Variants in CAST observed in about 807,000 individuals in gnomAD.
The protein encoded by CAST is calpastatin, also known as MIR583 host.
In CAST, 76 loss-of-function variants were observed where a neutral mutation model predicts 119.6. That is an observed-to-expected ratio of 0.64 (90% CI 0.53 to 0.77). The LOEUF is 0.77. Ranked by LOEUF, CAST falls within the 30% of genes least tolerant of loss-of-function variation. CAST has a pLI of 0.00. For synonymous variants in CAST, 319 were observed against 331.6 expected (o/e 0.96, Z 0.41); for missense variants, 953 against 946.5 (o/e 1.01, Z -0.09).
At chr5:96,043,370 A>T in the CAST span, among the ~76,000 whole-genome samples, 1 of 152,228 alleles carries the variant, frequency 6.6e-6, no homozygotes, top group East Asian at 1.9e-4. Flanking sequence ...GAGGGACTGA[A>T]AAATGGTCTG....
upstream of CAST, among the ~76,000 whole-genome samples, chr5:96,659,654 G>C (rs1413254878): frequency 2.6e-5 from 4 of 152,098 alleles, no homozygotes; most frequent in African/African-American, 9.7e-5. Context: ...TCGGCCTCCT[G>C]AGTAGCTGGG....
chr5:96,313,512 G>T, the CAST span, among the ~76,000 whole-genome samples: 1 of 152,090 alleles, frequency 6.6e-6, no homozygotes, highest in Admixed American at 6.6e-5. Flanking sequence ...TGTATCAGTA[G>T]TTCTTTTTAT....
chr5:96,348,577 A>C, the CAST span, among the ~76,000 whole-genome samples: 2 of 152,134 alleles, frequency 1.3e-5, no homozygotes, highest in African/African-American at 4.8e-5. Context: ...AGTTGAGGCT[A>C]TATAGTTCCA....
Position 96,740,725 on chromosome 5 carries a change from C to G in CAST, c.880-20C>G. The G allele has an allele frequency of 6.3e-7, 1 of 1,584,202 alleles. No homozygotes were observed. Among genetic ancestry groups the G allele is most frequent in the Non-Finnish European group, 8.7e-7 (1 of 1,152,860 alleles). ...ATTAATTCTACCTTCTCAACATCAT[C>G]AAATTAATATTTGTTTCAGAAAAAG... On this transcript the variant is annotated intron_variant, in intron 12 of 31. Coordinates refer to ENST00000675179, the MANE Select transcript of CAST (RefSeq NM_001750.7).
At chr5:96,670,860 G>A (rs1231962540) in intron 1 of CAST, among the ~76,000 whole-genome samples, 2 of 152,212 alleles carry the variant, frequency 1.3e-5, no homozygotes, top group East Asian at 1.9e-4. Flanking sequence ...GTATCTGTGT[G>A]TATCTGGGTA....
the CAST span, among the ~76,000 whole-genome samples, chr5:96,469,098 G>C: frequency 1.3e-5 from 2 of 152,016 alleles, no homozygotes; most frequent in Admixed American, 1.3e-4. Flanking sequence ...GAAATAGACA[G>C]CAGGTGACAG....
chr5:96,618,911 G>A (rs906207732), intron 1 of CAST, among the ~76,000 whole-genome samples: 13 of 152,250 alleles, frequency 8.5e-5, no homozygotes, highest in Admixed American at 2.6e-4. Context: ...ACTAGGTGAA[G>A]CCAGCTGGGC....
At chr5:96,659,010 A>C (rs1449375666), upstream of CAST, among the ~76,000 whole-genome samples, 2 of 152,212 alleles carry the variant, frequency 1.3e-5, no homozygotes, top group Non-Finnish European at 2.9e-5. Flanking sequence ...TTTCAAGTAT[A>C]TATTTATATG....
chr5:96,617,665 G>A (rs1358217795), intron 1 of CAST, among the ~76,000 whole-genome samples: 1 of 151,538 alleles, frequency 6.6e-6, no homozygotes, highest in Non-Finnish European at 1.5e-5. Context: ...GGTGGTGGGT[G>A]CCAGTAGTCC....
the CAST span, among the ~76,000 whole-genome samples, chr5:96,318,070 G>A: frequency 6.6e-6 from 1 of 152,192 alleles, no homozygotes; most frequent in Non-Finnish European, 1.5e-5. Flanking sequence ...AGCCTGAGCA[G>A]TAAAATATCT....
intron 4 of CAST, among the ~76,000 whole-genome samples, chr5:96,726,559 T>C (rs1348132754): frequency 6.6e-6 from 1 of 152,184 alleles, no homozygotes; most frequent in African/African-American, 2.4e-5. Context: ...ATTTTATTAA[T>C]GGAAACCTTC....
At chr5:96,265,511 G>A in the CAST span, among the ~76,000 whole-genome samples, 1 of 152,042 alleles carries the variant, frequency 6.6e-6, no homozygotes, top group South Asian at 2.1e-4. Flanking sequence ...CTGAGAGCAG[G>A]AGATGACAGA....
At chr5:95,992,346 A>G in the CAST span, among the ~76,000 whole-genome samples, 3 of 152,116 alleles carry the variant, frequency 2.0e-5, no homozygotes, top group Admixed American at 6.5e-5. Context: ...ATTATCAGTG[A>G]TGTTATGTGG....
chr5:96,547,857 G>C (rs534675838), intron 1 of CAST, among the ~76,000 whole-genome samples: 2 of 152,294 alleles, frequency 1.3e-5, no homozygotes, highest in African/African-American at 2.4e-5. Context: ...GTACAGTATT[G>C]CTTTTGGTTC....
intron 1 of CAST, among the ~76,000 whole-genome samples, chr5:96,532,378 T>C (rs1448265920): frequency 6.6e-6 from 1 of 152,076 alleles, no homozygotes. Context: ...CTGAAATTCT[T>C]TCACAATCAG....
At chr5:96,624,419 T>G (rs1225844235) in intron 1 of CAST, among the ~76,000 whole-genome samples, 2 of 152,258 alleles carry the variant, frequency 1.3e-5, no homozygotes, top group Non-Finnish European at 2.9e-5. Flanking sequence ...CAGTTTGTTT[T>G]ATAATATATG....
chr5:96,361,413 C>A, the CAST span, among the ~76,000 whole-genome samples: 9 of 152,198 alleles, frequency 5.9e-5, no homozygotes, highest in Admixed American at 5.9e-4. Context: ...TCAGTGTCTG[C>A]CCAAATGGCT....
chr5:96,130,581 A>G, the CAST span, among the ~76,000 whole-genome samples: 1 of 152,074 alleles, frequency 6.6e-6, no homozygotes, highest in Admixed American at 6.6e-5. Flanking sequence ...GAGAAACTGT[A>G]TGGAGGGTAT....
chr5:96,036,087 A>G, the CAST span, among the ~76,000 whole-genome samples: 6 of 151,848 alleles, frequency 4.0e-5, no homozygotes, highest in African/African-American at 7.3e-5. Flanking sequence ...TAAAAAAAAA[A>G]AGAGAGAGAG....
Sources: gnomAD v4.1 joint callset for allele counts (sites outside exome capture counted in the v4.1 genomes callset) on GRCh38, gnomAD v4.1.1 for gene constraint, MANE v1.5 for transcripts, NCBI Gene and HGNC (gene_info 2026-07-23, HGNC 2026-07-21) for gene names.